The following NFE2 variants were observed in gnomAD, a reference collection of about 807,000 sequenced individuals.
NFE2 encodes transcription factor NF-E2 45 kDa subunit.
Under a neutral mutation model 25.8 loss-of-function variants are expected in NFE2, and 13 were observed. The observed-to-expected ratio is 0.50, with a 90% CI of 0.33 to 0.80. The LOEUF is 0.80. NFE2 is among the 30% of genes least tolerant of loss of function. The pLI is 0.02. For synonymous variants in NFE2, 204 were observed against 200.2 expected (o/e 1.02, Z -0.16); for missense variants, 382 against 478.9 (o/e 0.80, Z 1.89).
intron 1 of NFE2, among the ~76,000 whole-genome samples, chr12:54,297,233 T>A (rs1215516012): frequency 6.6e-6 from 1 of 151,790 alleles, no homozygotes; most frequent in Non-Finnish European, 1.5e-5. Context: ...CACACATCTG[T>A]GGTCCCAGCT....
In NFE2 at chr12:54,292,692, C is replaced by T. The variant is rs1944328635; in HGVS notation, c.804G>A (p.Arg268=). 1.2e-6 allele frequency: 2 copies of T among 1,614,238 alleles called. No individual in the cohort carries two copies. The highest frequency in any genetic ancestry group is 1.7e-6 in the Non-Finnish European group (2 of 1,180,048). Residue 268 remains arginine, a synonymous_variant, in exon 3 of 3, where the codon CGG becomes CGA. Coordinates refer to ENST00000435572, the MANE Select transcript of NFE2 (RefSeq NM_001136023.3). ...TGTTTTTGCCCCGTCGTCGGATGTC[C>T]CGGACTAGCGCTAGCTGGCTCTCTG... ...PLTESQLALV[R]DIRRRGKNKV...
intron 2 of NFE2, 76 bp downstream of exon 2, chr12:54,295,059 G>T: frequency 1.6e-6 from 2 of 1,212,598 alleles, no homozygotes; most frequent in Non-Finnish European, 1.2e-6. Flanking sequence ...CCTGCCCTCT[G>T]CCTCAGTCCT....
At position 54,292,896 on chromosome 12, in the gene NFE2, C is replaced by T. The variant is rs755452060; in HGVS notation, c.600G>A (p.Glu200=). 6 of 1,610,814 alleles carry T rather than the reference C, an allele frequency of 3.7e-6. No individual in the cohort carries two copies. Among genetic ancestry groups the T allele is most frequent in the Non-Finnish European group, 5.1e-6 (6 of 1,177,762 alleles). Residue 200 remains glutamate, a synonymous_variant, in exon 3 of 3, where the codon GAG becomes GAA. Coordinates refer to ENST00000435572, the MANE Select transcript of NFE2 (RefSeq NM_001136023.3). Reference sequence around the variant, plus strand: ...AGGAGGGCTCTAAGGCCAAGGGGGTCTCAGCAGCTGGCAAGGTATAGTTGG... The same window carrying T: ...AGGAGGGCTCTAAGGCCAAGGGGGTTTCAGCAGCTGGCAAGGTATAGTTGG... ...AHSNYTLPAA[E]TPLALEPSSG... is the part of the protein sequence containing the mutation.
rs1944332628 is a variant in NFE2 at position 54,292,967 on chromosome 12, G to A, written c.529C>T (p.Pro177Ser). The change falls in exon 3 of 3, where the codon CCA (proline) becomes TCA (serine). Residue 177 changes from proline to serine, a missense_variant. Transcript: ENST00000435572. The stretch of plus-strand genomic sequence containing the variant: ...ATGAGTGAGTAGGGGTACTCCACTG[G>A]GTACATCTCTACATATTCGCTGCGC... ...RRRSEYVEMY[P>S]VEYPYSLMPN... 3 of 1,568,718 alleles carry A rather than the reference G, an allele frequency of 1.9e-6. No individual in the cohort carries two copies. The highest frequency in any genetic ancestry group is 2.6e-6 in the Non-Finnish European group (3 of 1,156,706).
intron 1 of NFE2, among the ~76,000 whole-genome samples, chr12:54,298,628 T>A (rs531201651): frequency 6.6e-6 from 1 of 151,802 alleles, no homozygotes; most frequent in Non-Finnish European, 1.5e-5. Context: ...ATAGGTTGCA[T>A]CTAGCTCAGG....
Sources: gnomAD v4.1 joint callset for allele counts (sites outside exome capture counted in the v4.1 genomes callset) on GRCh38, gnomAD v4.1.1 for gene constraint, MANE v1.5 for transcripts, NCBI Gene and HGNC (gene_info 2026-07-23, HGNC 2026-07-21) for gene names.